Variants in DCHS2 observed in about 807,000 individuals in gnomAD.
DCHS2 encodes dachsous cadherin-related 2.
A neutral mutation model predicts 182.4 loss-of-function variants in DCHS2; 142 were observed. The ratio of observed to expected loss-of-function variants is 0.78; its 90% CI spans 0.68 to 0.89. The LOEUF (loss-of-function observed/expected upper bound fraction) is 0.89, where lower values mean the gene tolerates loss of function less well. Ranked by LOEUF, DCHS2 falls within the 40% of genes least tolerant of loss-of-function variation. DCHS2 has a pLI of 0.00. For synonymous variants in DCHS2, 1,740 were observed against 1,663.3 expected (o/e 1.05, Z -1.12); for missense variants, 4,319 against 4,198.6 (o/e 1.03, Z -0.79).
At chr4:154,253,303 G>A (rs1055809198) in intron 16 of DCHS2, among the ~76,000 whole-genome samples, 2 of 152,008 alleles carry the variant, frequency 1.3e-5, no homozygotes, top group Admixed American at 6.6e-5. Context: ...ATTCTTCATG[G>A]CAATGGGAGA....
intron 5 of DCHS2, among the ~76,000 whole-genome samples, chr4:154,331,897 A>G (rs973732555): frequency 6.6e-6 from 1 of 152,212 alleles, no homozygotes; most frequent in African/African-American, 2.4e-5. Flanking sequence ...GTGACTTTTA[A>G]TCTTTAATTT....
chr4:154,375,236 G>T (rs1336858549), intron 2 of DCHS2, among the ~76,000 whole-genome samples: 2 of 151,938 alleles, frequency 1.3e-5, no homozygotes, highest in Non-Finnish European at 2.9e-5. Flanking sequence ...AACAATAAGA[G>T]AACATCTTCA....
At chr4:154,303,116 G>A (rs1454955640) in intron 12 of DCHS2, among the ~76,000 whole-genome samples, 2 of 151,284 alleles carry the variant, frequency 1.3e-5, no homozygotes, top group Non-Finnish European at 2.9e-5. Flanking sequence ...CAAGTAGCTG[G>A]GATTACAGGT....
At chr4:154,335,486 G>A (rs1277472037) in intron 3 of DCHS2, among the ~76,000 whole-genome samples, 1 of 152,164 alleles carries the variant, frequency 6.6e-6, no homozygotes, top group Admixed American at 6.5e-5. Context: ...TAGGTCTCGA[G>A]CCTGCTGGTC....
chr4:154,420,940 C>T (rs1733085103), intron 1 of DCHS2, among the ~76,000 whole-genome samples: 1 of 152,024 alleles, frequency 6.6e-6, no homozygotes, highest in African/African-American at 2.4e-5. Context: ...TAGTAATTAC[C>T]AAATTACTAG....
intron 3 of DCHS2, among the ~76,000 whole-genome samples, chr4:154,356,247 A>C (rs1561064532): frequency 1.3e-5 from 2 of 152,284 alleles, no homozygotes; most frequent in Non-Finnish European, 2.9e-5. Context: ...AAAACAAAGA[A>C]AAGCTTATAC....
At chr4:154,476,935 G>A (rs1223361982) in intron 1 of DCHS2, among the ~76,000 whole-genome samples, 1 of 149,384 alleles carries the variant, frequency 6.7e-6, no homozygotes, top group African/African-American at 2.5e-5. Flanking sequence ...GCTTCCTAAG[G>A]ACATGATATT....
rs1380876486 is a variant in DCHS2, at chr4:154,490,274, A to G, written c.1082T>C (p.Leu361Pro). ...GDAAYFAVEELSGVVRVWRPL... is the reference protein window; with the variant it reads ...GDAAYFAVEEPSGVVRVWRPL... ...TCTCCACACTCGCACCACGCCGCTC[A>G]GCTCCTCCACCGCGAAGTAGGCCGC... The change falls in exon 1 of 20, where the codon CTG (leucine) becomes CCG (proline). Residue 361 changes from leucine (L) to proline (P), a missense_variant. Physicochemically the swap from Leu to Pro is moderately conservative, Grantham distance 98. Coordinates refer to ENST00000357232, the MANE Select transcript of DCHS2 (RefSeq NM_001358235.2). The G allele has an allele frequency of 2.6e-6, 4 of 1,548,732 alleles. No homozygotes were observed. The South Asian group carries it at 3.6e-5, about 14-fold the overall frequency.
intron 15 of DCHS2, among the ~76,000 whole-genome samples, chr4:154,257,379 G>C (rs1231912359): frequency 2.0e-5 from 3 of 152,216 alleles, no homozygotes; most frequent in African/African-American, 7.2e-5. Flanking sequence ...GTGAATACAA[G>C]AGCCTGAGTG....
chr4:154,490,524 C>T lies in DCHS2; in HGVS notation c.832G>A (p.Gly278Ser). The T allele has an allele frequency of 6.5e-7, 1 of 1,536,358 alleles. No individual in the cohort carries two copies. Among genetic ancestry groups the T allele is most frequent in the Non-Finnish European group, 8.7e-7 (1 of 1,144,922 alleles). ...AWDGGRPRRT[G>S]LLSVELRVLD... is the part of the protein sequence containing the mutation. ...ACGCGCAGCTCCACGCTCAGGAGGC[C>T]GGTGCGCCGGGGTCGGCCGCCGTCC... The change falls in exon 1 of 20, where the codon GGC becomes AGC. Residue 278 changes from glycine to serine, a missense_variant. Transcript: ENST00000357232.
At chr4:154,344,201 A>T (rs1462449554) in intron 3 of DCHS2, among the ~76,000 whole-genome samples, 1 of 152,202 alleles carries the variant, frequency 6.6e-6, no homozygotes, top group Non-Finnish European at 1.5e-5. Flanking sequence ...GATCATCATA[A>T]CAGGTATAAT....
chr4:154,472,466 A>G (rs1366200954), intron 1 of DCHS2, among the ~76,000 whole-genome samples: 1 of 152,186 alleles, frequency 6.6e-6, no homozygotes, highest in African/African-American at 2.4e-5. Flanking sequence ...GTTGTGGGAT[A>G]TTTTAAGCCA....
intron 1 of DCHS2, among the ~76,000 whole-genome samples, chr4:154,459,088 A>G (rs772015519): frequency 1.3e-5 from 2 of 152,226 alleles, no homozygotes; most frequent in African/African-American, 2.4e-5. Context: ...GGAGGCCAGA[A>G]TTTTAAAGAA....
intron 5 of DCHS2, chr4:154,331,721 A>G (rs766143435): frequency 1.2e-6 from 2 of 1,609,230 alleles, no homozygotes; most frequent in Non-Finnish European, 8.5e-7. Context: ...GGACCTGCAC[A>G]AAAAGGGAGC....
intron 13 of DCHS2, among the ~76,000 whole-genome samples, chr4:154,284,163 AT>A (rs1355308403): frequency 5.9e-4 from 90 of 152,332 alleles, no homozygotes; most frequent in African/African-American, 2.1e-3. Flanking sequence ...TAATTCAATG[AT>A]TGTTGCAGCA....
intron 19 of DCHS2, among the ~76,000 whole-genome samples, chr4:154,238,106 T>C (rs957806384): frequency 1.5e-5 from 2 of 130,408 alleles, no homozygotes; most frequent in African/African-American, 5.5e-5. Context: ...GGGGTGGCAG[T>C]TGCCATCATC....
At position 154,339,252 on chromosome 4, in the gene DCHS2, A is replaced by G. The variant is rs191174186; in HGVS notation, c.2477-4148T>C. 3.9e-5 allele frequency among the ~76,000 whole-genome samples: 6 copies of G among 152,072 alleles called. No homozygotes were observed. In the East Asian group the frequency reaches 9.7e-4, roughly 25 times the overall value. ...CAGAGAGCAAATTCAACCTTCCTCC[A>G]CCTTTTTGTTCTTTTTCAGGCCCTC... On this transcript the variant is annotated intron_variant, in intron 3 of 19. Transcript: ENST00000357232.
chr4:154,372,942 A>G (rs1730711197), intron 2 of DCHS2, among the ~76,000 whole-genome samples: 1 of 152,196 alleles, frequency 6.6e-6, no homozygotes, highest in African/African-American at 2.4e-5. Flanking sequence ...TGGCAGATAA[A>G]AATCTCTTAG....
chr4:154,308,833 C>A, intron 10 of DCHS2, among the ~76,000 whole-genome samples: 1 of 152,160 alleles, frequency 6.6e-6, no homozygotes, highest in Non-Finnish European at 1.5e-5. Context: ...AATATAGCAC[C>A]GGATACAGAT....
Sources: allele counts gnomAD v4.1 joint callset (sites outside exome capture counted in the v4.1 genomes callset), GRCh38; gene constraint gnomAD v4.1.1; transcripts MANE v1.5; gene names NCBI Gene and HGNC (gene_info 2026-07-23, HGNC 2026-07-21).